The following PIGU variants were observed in gnomAD, a reference collection of about 807,000 sequenced individuals.
PIGU encodes the protein phosphatidylinositol glycan anchor biosynthesis class U.
PIGU carries 24 observed loss-of-function variants against 49.9 expected under a neutral mutation model. That is an observed-to-expected ratio of 0.48 (90% CI 0.35 to 0.68). The LOEUF (loss-of-function observed/expected upper bound fraction) is 0.68, where lower values mean the gene tolerates loss of function less well. Among genes scored for constraint, PIGU ranks in the 30% least tolerant of loss-of-function variants. The pLI, the probability that PIGU is intolerant of heterozygous loss-of-function variation, is 0.01. For missense variants in PIGU, 490 were observed against 532.6 expected, an observed-to-expected ratio of 0.92 and a Z score of 0.79; for synonymous variants, 220 against 205.7, an observed-to-expected ratio of 1.07 and a Z score of -0.59.
intron 7 of PIGU, among the ~76,000 whole-genome samples, chr20:34,613,748 T>C (rs1984906049): frequency 6.6e-6 from 1 of 152,178 alleles, no homozygotes; most frequent in African/African-American, 2.4e-5. Flanking sequence ...TCAGCAAGAA[T>C]ACAGAAAGAA....
chr20:34,600,816 C>T (rs1485814474), intron 7 of PIGU, among the ~76,000 whole-genome samples: 2 of 152,202 alleles, frequency 1.3e-5, no homozygotes, highest in Non-Finnish European at 2.9e-5. Flanking sequence ...AGGTAGATCA[C>T]CTGAGGTTGG....
At chr20:34,566,349 C>T (rs1366421245) in intron 11 of PIGU, among the ~76,000 whole-genome samples, 7 of 152,232 alleles carry the variant, frequency 4.6e-5, no homozygotes, top group Non-Finnish European at 1.0e-4. Context: ...GTTTGCTGGT[C>T]TGTACCCTCT....
intron 1 of PIGU, among the ~76,000 whole-genome samples, chr20:34,675,758 A>T (rs1198813208): frequency 6.6e-6 from 1 of 152,180 alleles, no homozygotes; most frequent in African/African-American, 2.4e-5. Context: ...TCACGCCTGA[A>T]ATCCCAGCAC....
At position 34,650,277 on chromosome 20, in the gene PIGU, T is replaced by C. The variant is rs139033841; in HGVS notation, c.196-4943A>G. ...AATCATTGATCATAGCTATTTTTCT[T>C]TTTTGGGAGGGGGGAAAGGGTCTCA... On this transcript the variant is annotated intron_variant, in intron 2 of 11. Coordinates refer to ENST00000217446, the MANE Select transcript of PIGU (RefSeq NM_080476.5). 2.8e-3 allele frequency among the ~76,000 whole-genome samples: 421 copies of C among 151,956 alleles called. 1 individual carries two copies. Among genetic ancestry groups the C allele is most frequent in the African/African-American group, 9.7e-3 (400 of 41,418 alleles).
chr20:34,622,600 G>C (rs1225638283), intron 6 of PIGU, among the ~76,000 whole-genome samples: 1 of 152,160 alleles, frequency 6.6e-6, no homozygotes, highest in Non-Finnish European at 1.5e-5. Flanking sequence ...GGCTAAGCTT[G>C]CACAGTCATC....
intron 10 of PIGU, among the ~76,000 whole-genome samples, chr20:34,579,790 G>A (rs1983385924): frequency 6.6e-6 from 1 of 152,140 alleles, no homozygotes. Flanking sequence ...CACCCCAGAG[G>A]GCATAAAATA....
intron 4 of PIGU, among the ~76,000 whole-genome samples, chr20:34,643,239 C>T (rs1040561637): frequency 6.6e-6 from 1 of 151,848 alleles, no homozygotes; most frequent in African/African-American, 2.4e-5. Flanking sequence ...CAATGATATA[C>T]ACACACACAC....
intron 7 of PIGU, among the ~76,000 whole-genome samples, chr20:34,614,625 CAAAA>C (rs11477079): frequency 3.5e-5 from 4 of 113,942 alleles, no homozygotes; most frequent in Non-Finnish European, 1.9e-5. Context: ...GACCTGCTCT[CAAAA>C]AAAAAAAAAA....
At chr20:34,592,781 G>A (rs190100533) in intron 7 of PIGU, among the ~76,000 whole-genome samples, 2 of 152,216 alleles carry the variant, frequency 1.3e-5, no homozygotes. Flanking sequence ...TAAATTTCTA[G>A]GGGTGATAAC....
chr20:34,591,531 A>G (rs1371643864), intron 7 of PIGU, among the ~76,000 whole-genome samples: 5 of 152,220 alleles, frequency 3.3e-5, no homozygotes, highest in Non-Finnish European at 5.9e-5. Flanking sequence ...ATAAACCCAC[A>G]TTGACTTCAA....
intron 1 of PIGU, among the ~76,000 whole-genome samples, chr20:34,659,300 T>A (rs1311270609): frequency 1.3e-5 from 1 of 75,494 alleles, no homozygotes; most frequent in Non-Finnish European, 2.6e-5. Flanking sequence ...GGGAGGGAGG[T>A]GGGGGGGTCA....
At chr20:34,610,063 C>T (rs1026637574) in intron 7 of PIGU, among the ~76,000 whole-genome samples, 2 of 152,126 alleles carry the variant, frequency 1.3e-5, no homozygotes, top group African/African-American at 4.8e-5. Flanking sequence ...GTCAATTAAA[C>T]CTCTTTCCTT....
intron 8 of PIGU, among the ~76,000 whole-genome samples, chr20:34,587,157 C>T (rs1484812239): frequency 6.6e-6 from 1 of 152,176 alleles, no homozygotes; most frequent in Non-Finnish European, 1.5e-5. Flanking sequence ...TTGTTGATCC[C>T]TCCCCAAGAC....
At chr20:34,602,561 C>T (rs1230433749) in intron 7 of PIGU, among the ~76,000 whole-genome samples, 1 of 152,086 alleles carries the variant, frequency 6.6e-6, no homozygotes, top group East Asian at 1.9e-4. Context: ...TGTGCCACAG[C>T]ACTCCAGCCT....
chr20:34,658,521 C>T (rs1028428306), intron 1 of PIGU, among the ~76,000 whole-genome samples: 2 of 151,828 alleles, frequency 1.3e-5, no homozygotes, highest in African/African-American at 2.4e-5. Flanking sequence ...CCTCTCTGCC[C>T]AGCCGCCATC....
chr20:34,577,000 C>T (rs6059926), intron 10 of PIGU, among the ~76,000 whole-genome samples: 66,871 of 151,990 alleles, frequency 0.44, 15,290 homozygotes, highest in Non-Finnish European at 0.5. Flanking sequence ...ACAACGTGGA[C>T]ATCTTTGTGA....
intron 1 of PIGU, 91 bp from the exon 2 acceptor site, chr20:34,657,335 C>T (rs1986734563): frequency 7.9e-6 from 7 of 887,748 alleles, no homozygotes; most frequent in African/African-American, 3.4e-5. Context: ...AGGGCCTTAG[C>T]GTTTATCTAA....
intron 7 of PIGU, among the ~76,000 whole-genome samples, chr20:34,592,776 T>G (rs1395726501): frequency 6.6e-6 from 1 of 152,096 alleles, no homozygotes; most frequent in Non-Finnish European, 1.5e-5. Flanking sequence ...AAGGTTAAAT[T>G]TCTAGGGGTG....
intron 7 of PIGU, among the ~76,000 whole-genome samples, chr20:34,610,984 G>A (rs1318549384): frequency 6.6e-6 from 1 of 152,166 alleles, no homozygotes; most frequent in Non-Finnish European, 1.5e-5. Context: ...AAATGGTGCT[G>A]GGGAAACTGG....
Sources: gnomAD v4.1 joint callset for allele counts (sites outside exome capture counted in the v4.1 genomes callset) on GRCh38, gnomAD v4.1.1 for gene constraint, MANE v1.5 for transcripts, NCBI Gene and HGNC (gene_info 2026-07-23, HGNC 2026-07-21) for gene names.